The following LEPR variants were observed in gnomAD, a reference collection of about 807,000 sequenced individuals.
LEPR encodes the protein OB receptor.
LEPR carries 56 observed loss-of-function variants against 114.7 expected under a neutral mutation model. The ratio of observed to expected loss-of-function variants is 0.49; its 90% CI spans 0.39 to 0.61. LEPR has a LOEUF of 0.61. Among genes scored for constraint, LEPR ranks in the 20% least tolerant of loss-of-function variants. LEPR has a pLI of 0.00. For synonymous variants in LEPR, 443 were observed against 461.4 expected, an observed-to-expected ratio of 0.96 and a Z score of 0.51; for missense variants, 1,202 against 1,352.9, an observed-to-expected ratio of 0.89 and a Z score of 1.75.
At chr1:65,488,188 CTT>C (rs1221447548) in intron 2 of LEPR, among the ~76,000 whole-genome samples, 1 of 19,542 alleles carries the variant, frequency 5.1e-5, no homozygotes, top group Non-Finnish European at 1.1e-4. Flanking sequence ...TTCTTTCTTT[CTT>C]TCTTTCTTTC....
At chr1:65,455,364 G>A (rs971158690) in intron 2 of LEPR, among the ~76,000 whole-genome samples, 2 of 152,192 alleles carry the variant, frequency 1.3e-5, no homozygotes, top group African/African-American at 4.8e-5. Context: ...GTGCTCTGCT[G>A]TTTAGAGTTC....
At chr1:65,629,684 TTTC>T (rs1658416974) in intron 19 of LEPR, among the ~76,000 whole-genome samples, 1 of 151,876 alleles carries the variant, frequency 6.6e-6, no homozygotes, top group South Asian at 2.1e-4. Context: ...CCTCTCTTTC[TTTC>T]TTTTCATGCT....
At chr1:65,429,910 C>T (rs979309646) in intron 2 of LEPR, 1 of 1,539,822 alleles carries the variant, frequency 6.5e-7, no homozygotes, top group African/African-American at 1.4e-5. Context: ...TCTCCCCCAT[C>T]CCCCATTTCA....
intron 2 of LEPR, among the ~76,000 whole-genome samples, chr1:65,453,825 C>A (rs1162428201): frequency 6.6e-6 from 1 of 151,778 alleles, no homozygotes; most frequent in Non-Finnish European, 1.5e-5. Flanking sequence ...GAGTTCAATT[C>A]CTGGGTATCC....
chr1:65,430,413 A>G (rs1646463344), intron 2 of LEPR: 1 of 159,752 alleles, frequency 6.3e-6, no homozygotes, highest in Non-Finnish European at 1.4e-5. Context: ...TCTCCTGCAA[A>G]TGGGATCATG....
chr1:65,484,037 T>G (rs1647349135), intron 2 of LEPR, among the ~76,000 whole-genome samples: 1 of 151,944 alleles, frequency 6.6e-6, no homozygotes, highest in South Asian at 2.1e-4. Flanking sequence ...TTAAATTTTT[T>G]GTAGAGGTAG....
At chr1:65,559,641 A>G (rs1653150552) in intron 2 of LEPR, among the ~76,000 whole-genome samples, 2 of 109,038 alleles carry the variant, frequency 1.8e-5, no homozygotes, top group Admixed American at 8.9e-5. Flanking sequence ...TATGTCCTGA[A>G]TGGTCATGCC....
At chr1:65,504,579 A>G (rs1648628537) in intron 2 of LEPR, among the ~76,000 whole-genome samples, 1 of 152,182 alleles carries the variant, frequency 6.6e-6, no homozygotes, top group Non-Finnish European at 1.5e-5. Context: ...AAATATCAGT[A>G]CTTCTTAAAA....
intron 11 of LEPR, among the ~76,000 whole-genome samples, chr1:65,608,449 G>T (rs1656964993): frequency 6.6e-6 from 1 of 151,946 alleles, no homozygotes; most frequent in African/African-American, 2.4e-5. Flanking sequence ...GCCAGGATCG[G>T]CATGTTATCT....
chr1:65,535,479 C>T (rs1650703298), intron 2 of LEPR, among the ~76,000 whole-genome samples: 1 of 151,794 alleles, frequency 6.6e-6, no homozygotes, highest in Non-Finnish European at 1.5e-5. Context: ...ACCCTCCTGC[C>T]TCAGTGTCCC....
chr1:65,433,451 GA>G, intron 2 of LEPR: 1 of 985,430 alleles, frequency 1.0e-6, no homozygotes. Context: ...ATATGGGAAG[GA>G]GAACCATTTG....
At chr1:65,579,616 A>G (rs967782824) in intron 5 of LEPR, among the ~76,000 whole-genome samples, 16 of 152,216 alleles carry the variant, frequency 1.1e-4, no homozygotes, top group Non-Finnish European at 2.4e-4. Context: ...CCTTCTTGCA[A>G]TGACCTAAAT....
chr1:65,496,362 G>A (rs1307657153), intron 2 of LEPR, among the ~76,000 whole-genome samples: 1 of 152,058 alleles, frequency 6.6e-6, no homozygotes, highest in East Asian at 1.9e-4. Flanking sequence ...GGCTTGAGCT[G>A]AGGAGTTCGA....
At position 65,582,792 on chromosome 1, in the gene LEPR, A is replaced by G. The variant is rs115108629; in HGVS notation, c.495-9865A>G. Among the ~76,000 whole-genome samples, 771 of 152,184 alleles carry G rather than the reference A, an allele frequency of 5.1e-3. 10 individuals are homozygous for G. The highest frequency in any genetic ancestry group is 0.018 in the African/African-American group (742 of 41,520). On this transcript the variant is annotated intron_variant, in intron 5 of 19. Coordinates refer to ENST00000349533, the MANE Select transcript of LEPR (RefSeq NM_002303.6). The stretch of plus-strand genomic sequence containing the variant: ...ATTATCCTCTATTTTCTGCACCATC[A>G]TGTTTCTCTCTCAGCTAATAGACAC...
chr1:65,468,575 G>T (rs1647044539), intron 2 of LEPR, among the ~76,000 whole-genome samples: 1 of 152,216 alleles, frequency 6.6e-6, no homozygotes, highest in South Asian at 2.1e-4. Context: ...ACTAGAACCT[G>T]TATTCCTATC....
chr1:65,522,550 C>T (rs533152958), intron 2 of LEPR, among the ~76,000 whole-genome samples: 30 of 152,142 alleles, frequency 2.0e-4, no homozygotes, highest in Non-Finnish European at 3.8e-4. Context: ...ACAGTTGAGC[C>T]GGAAAGAAAA....
chr1:65,462,784 G>A (rs1646962086), intron 2 of LEPR, among the ~76,000 whole-genome samples: 1 of 152,156 alleles, frequency 6.6e-6, no homozygotes, highest in South Asian at 2.1e-4. Flanking sequence ...TCTGTTGGCT[G>A]CATAAATGTC....
Position 65,474,185 on chromosome 1 carries a change from T to C in LEPR, c.-21+48807T>C, listed in dbSNP as rs527505082. Among the ~76,000 whole-genome samples the C allele has an allele frequency of 2.6e-5, 4 of 152,330 alleles. No homozygotes were observed. In the South Asian group the frequency reaches 8.3e-4, roughly 32 times the overall value. On this transcript the variant is annotated intron_variant, in intron 2 of 19. Coordinates refer to ENST00000349533, the MANE Select transcript of LEPR (RefSeq NM_002303.6). ...ATACACTTGTTGTATCCCCTAGTGA[T>C]CTCTGAAGTTTTAAGCTGTCTTTGA...
At chr1:65,486,475 G>A (rs970580200) in intron 2 of LEPR, 4 of 152,194 alleles carry the variant, frequency 2.6e-5, no homozygotes, top group Non-Finnish European at 5.9e-5. Flanking sequence ...TGAGCTCCAT[G>A]TGGTGAAGGA....
Sources: allele counts gnomAD v4.1 joint callset (sites outside exome capture counted in the v4.1 genomes callset), GRCh38; gene constraint gnomAD v4.1.1; transcripts MANE v1.5; gene names NCBI Gene and HGNC (gene_info 2026-07-23, HGNC 2026-07-21).